The following TNRC6A variants were observed in gnomAD, a reference collection of about 807,000 sequenced individuals.
TNRC6A encodes the protein trinucleotide repeat containing adaptor 6A.
A neutral mutation model predicts 221.2 loss-of-function variants in TNRC6A; 44 were observed. That is an observed-to-expected ratio of 0.20 (90% confidence interval 0.16 to 0.26). The LOEUF (loss-of-function observed/expected upper bound fraction) is 0.26, where lower values mean the gene tolerates loss of function less well. Among genes scored for constraint, TNRC6A ranks in the 10% least tolerant of loss-of-function variants. TNRC6A has a pLI of 1.00. For synonymous variants in TNRC6A, 847 were observed against 838.5 expected (o/e 1.01, Z -0.18); for missense variants, 2,199 against 2,404.4 (o/e 0.91, Z 1.79).
At position 24,804,702 on chromosome 16, in the gene TNRC6A, C is replaced by T; in HGVS notation, c.3838-3C>T. ...TTGCACATCTTTCTGTCTGTCCAAT[C>T]AGGATGGCATTGTAGCAGATGAATC... On this transcript the variant is annotated splice_polypyrimidine_tract_variant and splice_region_variant and intron_variant, in intron 12 of 24. Coordinates refer to ENST00000395799, the MANE Select transcript of TNRC6A (RefSeq NM_014494.4). 1 of 1,578,032 alleles carries T rather than the reference C, an allele frequency of 6.3e-7. No homozygotes were observed. The highest frequency in any genetic ancestry group is 8.6e-7 in the Non-Finnish European group (1 of 1,169,504).
intron 2 of TNRC6A, among the ~76,000 whole-genome samples, chr16:24,658,943 G>C (rs1280199602): frequency 6.6e-6 from 1 of 151,596 alleles, no homozygotes; most frequent in East Asian, 1.9e-4. Flanking sequence ...CAAGTAGCTG[G>C]GACTATAGGC....
In TNRC6A at chr16:24,758,374, A is replaced by C. The variant is rs777961756; in HGVS notation, c.163+14A>C. On this transcript the variant is annotated intron_variant, in intron 4 of 24. Coordinates refer to ENST00000395799, the MANE Select transcript of TNRC6A (RefSeq NM_014494.4). Reference sequence around the variant, plus strand: ...AAAAAATCAAAGGTACGTTGTTTAAAGCTATTTTTTATCCCTTTTTTCATT... The same window carrying C: ...AAAAAATCAAAGGTACGTTGTTTAACGCTATTTTTTATCCCTTTTTTCATT... The C allele has an allele frequency of 1.2e-6, 2 of 1,610,080 alleles. No individual in the cohort carries two copies. Among genetic ancestry groups the C allele is most frequent in the South Asian group, 2.2e-5 (2 of 90,960 alleles).
chr16:24,668,420 C>T (rs74013291), intron 2 of TNRC6A, among the ~76,000 whole-genome samples: 12,090 of 152,052 alleles, frequency 0.08, 571 homozygotes, highest in South Asian at 0.14. Flanking sequence ...TATATTTCAG[C>T]GCTTGCACTT....
intron 6 of TNRC6A, among the ~76,000 whole-genome samples, chr16:24,792,046 C>T (rs1346340441): frequency 1.3e-5 from 2 of 152,094 alleles, no homozygotes; most frequent in Non-Finnish European, 2.9e-5. Flanking sequence ...CAAGAGAAGG[C>T]GAATTGGACA....
chr16:24,672,774 G>T (rs766337635), intron 2 of TNRC6A, among the ~76,000 whole-genome samples: 3 of 76,628 alleles, frequency 3.9e-5, no homozygotes, highest in Non-Finnish European at 6.8e-5. Flanking sequence ...ACAGGCTGAA[G>T]TATTTAGAGA....
intron 2 of TNRC6A, among the ~76,000 whole-genome samples, chr16:24,741,091 G>A (rs1264998530): frequency 6.6e-6 from 1 of 152,216 alleles, no homozygotes; most frequent in African/African-American, 2.4e-5. Context: ...CCTGTCATCT[G>A]TGAATAGAGA....
intron 11 of TNRC6A, among the ~76,000 whole-genome samples, chr16:24,800,780 G>T (rs1246333740): frequency 6.6e-6 from 1 of 152,120 alleles, no homozygotes; most frequent in Non-Finnish European, 1.5e-5. Flanking sequence ...GCTGGGAGAA[G>T]CTCCCACAGA....
Position 24,823,321 on chromosome 16 carries a change from C to T in TNRC6A, c.5514-111C>T, listed in dbSNP as rs1360993241. ...AGGTTATGTGGTGTAGTCTCTCCCT[C>T]TGTGCCTTCTGTGGCTTTTCTAGCA... On this transcript the variant is annotated intron_variant, in intron 24 of 24. Transcript: ENST00000395799. This position sits in a 1 kb window ranked among gnomAD's most constrained non-coding sequence, Gnocchi z 4.3. 5.2e-6 allele frequency: 7 copies of T among 1,341,986 alleles called. No homozygotes were observed. The highest frequency in any genetic ancestry group is 6.1e-6 in the Non-Finnish European group (6 of 981,800). 83.1% of individuals were successfully genotyped at this position (1,341,986 alleles called of 1,614,324 possible). A position where few individuals can be genotyped will look rare whatever the true frequency, so the allele number is the denominator to read the frequency against.
chr16:24,683,963 C>T (rs566058007), intron 2 of TNRC6A, among the ~76,000 whole-genome samples: 1 of 152,318 alleles, frequency 6.6e-6, no homozygotes, highest in African/African-American at 2.4e-5. Flanking sequence ...TTGTCCAAGC[C>T]TCAGTGAGCT....
At chr16:24,807,817 GTGGTTTCTTGTAAACCAGCTTTGCTGGT>G (rs2058466445) in intron 17 of TNRC6A, among the ~76,000 whole-genome samples, 1 of 152,066 alleles carries the variant, frequency 6.6e-6, no homozygotes. Context: ...TTCCTATACA[GTGGTTTCTTGTAAACCAGCTTTGCTGGT>G]TGTTAGCCAG....
intron 2 of TNRC6A, among the ~76,000 whole-genome samples, chr16:24,682,633 C>G (rs2142067926): frequency 6.6e-6 from 1 of 152,228 alleles, no homozygotes; most frequent in Middle Eastern, 3.4e-3. Context: ...GCCTGAAAGG[C>G]CAAGGGGAAG....
chr16:24,747,148 C>T (rs1421158979), intron 2 of TNRC6A, among the ~76,000 whole-genome samples: 1 of 152,124 alleles, frequency 6.6e-6, no homozygotes, highest in African/African-American at 2.4e-5. Context: ...TGTATGAAAC[C>T]AACTTTAAAA....
At chr16:24,621,345 C>CTTT (rs1265818474) in intron 1 of TNRC6A, among the ~76,000 whole-genome samples, 15 of 73,956 alleles carry the variant, frequency 2.0e-4, no homozygotes, top group African/African-American at 6.2e-4. Context: ...AGAATATGGT[C>CTTT]TTTTTTTTTT....
rs549061795 is a variant in TNRC6A at position 24,720,051 on chromosome 16, T to C, written n.403-30675T>C. Among the ~76,000 whole-genome samples, 7 of 152,158 alleles carry C rather than the reference T, an allele frequency of 4.6e-5. No homozygotes were observed. The South Asian group carries it at 1.5e-3, about 32-fold the overall frequency. ...AGGAGCAGGCTTGCCTGAGGCATGG[T>C]AGGCAAGAGAGAAGGACTATAAGAT... On this transcript the variant is annotated intron_variant and non_coding_transcript_variant, in intron 2 of 2. Coordinates refer to the TNRC6A transcript ENST00000566108.
intron 2 of TNRC6A, among the ~76,000 whole-genome samples, chr16:24,715,776 C>A (rs1015469061): frequency 1.3e-5 from 2 of 151,912 alleles, no homozygotes; most frequent in Non-Finnish European, 1.5e-5. Context: ...TGCCACCAAG[C>A]CTGGCTAAAT....
intron 2 of TNRC6A, among the ~76,000 whole-genome samples, chr16:24,701,365 T>TTC (rs1224030302): frequency 7.0e-6 from 1 of 142,704 alleles, no homozygotes; most frequent in Non-Finnish European, 1.5e-5. Flanking sequence ...CTAACTTTTT[T>TTC]TTCTTTTTTT....
intron 2 of TNRC6A, among the ~76,000 whole-genome samples, chr16:24,707,338 G>A (rs2056114837): frequency 1.7e-5 from 2 of 116,702 alleles, no homozygotes; most frequent in Admixed American, 2.0e-4. Context: ...AGGATGAAAG[G>A]GGAACATGGG....
At chr16:24,756,276 CTGT>C (rs2057248521) in intron 3 of TNRC6A, among the ~76,000 whole-genome samples, 1 of 152,146 alleles carries the variant, frequency 6.6e-6, no homozygotes, top group South Asian at 2.1e-4. Context: ...TGGCAAGTGG[CTGT>C]TGTTTTGGAT....
At chr16:24,721,429 G>A (rs2056408657) in intron 2 of TNRC6A, among the ~76,000 whole-genome samples, 1 of 152,166 alleles carries the variant, frequency 6.6e-6, no homozygotes. Flanking sequence ...GGCACTTTGG[G>A]AGGCTGAGGT....
Sources: gnomAD v4.1 joint callset for allele counts (sites outside exome capture counted in the v4.1 genomes callset) on GRCh38, gnomAD v4.1.1 for gene constraint, Gnocchi (gnomAD v3.1) non-coding constraint, MANE v1.5 for transcripts, NCBI Gene and HGNC (gene_info 2026-07-23, HGNC 2026-07-21) for gene names.